Variants in INTS4 observed in about 807,000 individuals in gnomAD.
INTS4 encodes the protein MSTP093.
A neutral mutation model predicts 119.5 loss-of-function variants in INTS4; 70 were observed. The observed-to-expected ratio is 0.59, with a 90% CI of 0.48 to 0.71. The LOEUF (loss-of-function observed/expected upper bound fraction) is 0.71, where lower values mean the gene tolerates loss of function less well. Among genes scored for constraint, INTS4 ranks in the 30% least tolerant of loss-of-function variants. The pLI is 0.00. For missense variants in INTS4, 867 were observed against 1,173.2 expected (o/e 0.74, Z 3.81); for synonymous variants, 316 against 419.6 (o/e 0.75, Z 3.02).
At chr11:77,904,889 T>C (rs548733230) in intron 16 of INTS4, among the ~76,000 whole-genome samples, 11 of 152,158 alleles carry the variant, frequency 7.2e-5, no homozygotes, top group Non-Finnish European at 1.6e-4. Flanking sequence ...TTGTCTTTAT[T>C]TGGAAATTAA....
intron 3 of INTS4, among the ~76,000 whole-genome samples, chr11:77,980,088 A>G (rs1856146523): frequency 6.6e-6 from 1 of 151,574 alleles, no homozygotes; most frequent in Non-Finnish European, 1.5e-5. Context: ...CAGGCCTTCC[A>G]TGTTGTCTAC....
chr11:77,878,133 T>C (rs909491999), downstream of INTS4, among the ~76,000 whole-genome samples: 37 of 152,156 alleles, frequency 2.4e-4, no homozygotes, highest in East Asian at 5.8e-4. Context: ...GAGGCCAAGG[T>C]GGGCAGATCA....
At chr11:77,911,732 G>A (rs1369927089) in intron 15 of INTS4, among the ~76,000 whole-genome samples, 2 of 152,180 alleles carry the variant, frequency 1.3e-5, no homozygotes, top group East Asian at 1.9e-4. Flanking sequence ...CATCCATCAG[G>A]AGACTATGGG....
At chr11:77,914,976 T>A in intron 15 of INTS4, 1 of 198,986 alleles carries the variant, frequency 5.0e-6, no homozygotes, top group Admixed American at 4.8e-5. Flanking sequence ...GTGAACACTC[T>A]GCCATTTGGA....
At position 77,921,449 on chromosome 11, in the gene INTS4, A is replaced by G; in HGVS notation, c.1655T>C (p.Phe552Ser). The G allele has an allele frequency of 6.2e-7, 1 of 1,608,210 alleles. No individual in the cohort carries two copies. The highest frequency in any genetic ancestry group is 8.5e-7 in the Non-Finnish European group (1 of 1,174,666). ...TGTTGGACAGGTTTTAGCAGCATTG[A>G]AAATAAGTACCAAAACTGCAATATC... Reference protein sequence around the residue: ...PAYIAVLVLIFNAAKTCPTMP... With the variant: ...PAYIAVLVLISNAAKTCPTMP... Residue 552 changes from phenylalanine to serine, a missense_variant, in exon 14 of 23, where the codon TTC becomes TCC. Phe to Ser is a radical substitution (Grantham distance 155). Transcript: ENST00000534064.
chr11:77,918,820 C>T lies in INTS4; in HGVS notation c.1922+1G>A. ...GTCAGATGAAGGGATGATTACCCTA[C>T]CTGATGGTGAATTCCAGCAGCTCCT... On this transcript the variant is annotated splice_donor_variant, in intron 15 of 22. Transcript: ENST00000534064. LOFTEE classifies it high-confidence loss of function. 6.2e-7 allele frequency: 1 copy of T among 1,612,898 alleles called. No individual in the cohort carries two copies. Among genetic ancestry groups the T allele is most frequent in the Non-Finnish European group, 8.5e-7 (1 of 1,179,666 alleles).
intron 16 of INTS4, 27 bp downstream of exon 16, chr11:77,907,690 T>C: frequency 6.5e-7 from 1 of 1,548,916 alleles, no homozygotes; most frequent in Non-Finnish European, 8.9e-7. Context: ...AGCAACACAA[T>C]CATAAATGGA....
intron 21 of INTS4, among the ~76,000 whole-genome samples, chr11:77,886,526 G>A (rs1024446256): frequency 6.6e-6 from 1 of 152,186 alleles, no homozygotes; most frequent in African/African-American, 2.4e-5. Flanking sequence ...GTAAACGGCG[G>A]GAGTAACTAT....
At chr11:77,987,732 G>A (rs1422790711) in intron 2 of INTS4, 2 of 428,134 alleles carry the variant, frequency 4.7e-6, no homozygotes, top group East Asian at 7.5e-5. Flanking sequence ...AAATTAGCCG[G>A]GAGTGGTGGC....
intron 10 of INTS4, among the ~76,000 whole-genome samples, chr11:77,930,398 T>C (rs1953617560): frequency 6.6e-6 from 1 of 152,206 alleles, no homozygotes; most frequent in Non-Finnish European, 1.5e-5. Flanking sequence ...CACAATAATA[T>C]AATTTAAACA....
chr11:77,963,027 A>G (rs1233104583), intron 4 of INTS4, among the ~76,000 whole-genome samples: 3 of 152,108 alleles, frequency 2.0e-5, no homozygotes, highest in African/African-American at 7.2e-5. Flanking sequence ...CGCGCCCCCT[A>G]AAATTCAAAA....
chr11:77,898,243 A>C (rs1390671374), intron 18 of INTS4, among the ~76,000 whole-genome samples: 1 of 152,154 alleles, frequency 6.6e-6, no homozygotes, highest in East Asian at 1.9e-4. Context: ...GGCTCACTGC[A>C]ACCTCTGCCT....
chr11:77,904,479 G>C (rs1392525847), intron 16 of INTS4, among the ~76,000 whole-genome samples: 1 of 152,088 alleles, frequency 6.6e-6, no homozygotes, highest in Non-Finnish European at 1.5e-5. Flanking sequence ...TTATTAATTA[G>C]TTTACATTTT....
intron 15 of INTS4, among the ~76,000 whole-genome samples, chr11:77,917,053 A>G (rs1472680720): frequency 6.6e-6 from 1 of 152,234 alleles, no homozygotes; most frequent in African/African-American, 2.4e-5. Context: ...AATAATGGAC[A>G]GGAAAGCATG....
chr11:77,963,362 A>C (rs1855334073), intron 4 of INTS4: 1 of 390,392 alleles, frequency 2.6e-6, no homozygotes, highest in East Asian at 7.8e-5. Flanking sequence ...CAAAAAAAAA[A>C]AAAAAAAAAA....
chr11:77,971,163 T>C (rs1374473749), intron 4 of INTS4, among the ~76,000 whole-genome samples: 1 of 152,202 alleles, frequency 6.6e-6, no homozygotes, highest in Non-Finnish European at 1.5e-5. Context: ...GCTTTTGTGT[T>C]GTATGTTTAT....
rs568591428 is a variant in INTS4, at chr11:77,994,577, C to T, written c.54+13G>A. On this transcript the variant is annotated intron_variant, in intron 1 of 22. Coordinates refer to ENST00000534064, the MANE Select transcript of INTS4 (RefSeq NM_033547.4). ...GTCCGGATCGGTTCTGGATCTTTCC[C>T]GCCAGAGCTTACCTGAACCACTTTC... The T allele has an allele frequency of 7.8e-5, 125 of 1,601,952 alleles. No homozygotes were observed. Among genetic ancestry groups the T allele is most frequent in the Non-Finnish European group, 1.1e-4 (123 of 1,168,766 alleles).
At chr11:77,959,868 A>G (rs1336081626) in intron 6 of INTS4, among the ~76,000 whole-genome samples, 1 of 152,164 alleles carries the variant, frequency 6.6e-6, no homozygotes, top group African/African-American at 2.4e-5. Flanking sequence ...TTGGCCATCA[A>G]TCAGCTTTTC....
At chr11:77,961,927 T>C (rs1176561352) in intron 4 of INTS4, among the ~76,000 whole-genome samples, 1 of 152,272 alleles carries the variant, frequency 6.6e-6, no homozygotes, top group African/African-American at 2.4e-5. Context: ...GTGATTATTC[T>C]TGTATGTGGC....
Sources: gnomAD v4.1 joint callset for allele counts (sites outside exome capture counted in the v4.1 genomes callset) on GRCh38, gnomAD v4.1.1 for gene constraint, MANE v1.5 for transcripts, NCBI Gene and HGNC (gene_info 2026-07-23, HGNC 2026-07-21) for gene names.